KCNB2: variants seen among roughly 807,000 people sequenced by gnomAD.
The protein encoded by KCNB2 is potassium voltage-gated channel subfamily B member 2.
A neutral mutation model predicts 61.5 loss-of-function variants in KCNB2; 15 were observed. The ratio of observed to expected loss-of-function variants is 0.24; its 90% confidence interval spans 0.16 to 0.38. The LOEUF is 0.38. Ranked by LOEUF, KCNB2 falls within the 10% of genes least tolerant of loss-of-function variation. KCNB2 has a pLI of 1.00. For synonymous variants in KCNB2, 457 were observed against 446.0 expected, an observed-to-expected ratio of 1.02 and a Z score of -0.31; for missense variants, 828 against 1,125.2, an observed-to-expected ratio of 0.74 and a Z score of 3.78.
chr8:72,567,379 T>G (rs1001017329), intron 1 of KCNB2, among the ~76,000 whole-genome samples: 1 of 152,134 alleles, frequency 6.6e-6, no homozygotes, highest in African/African-American at 2.4e-5. Context: ...TCTCATGACA[T>G]GTTTGGGAGT....
intron 2 of KCNB2, among the ~76,000 whole-genome samples, chr8:72,608,774 G>A (rs557114387): frequency 6.6e-6 from 1 of 152,214 alleles, no homozygotes; most frequent in East Asian, 1.9e-4. Context: ...CCACATTTAG[G>A]CCACCACTGG....
chr8:72,806,235 G>A (rs1399746211), intron 2 of KCNB2, among the ~76,000 whole-genome samples: 1 of 151,584 alleles, frequency 6.6e-6, no homozygotes, highest in Non-Finnish European at 1.5e-5. Flanking sequence ...GTGCGTGCCT[G>A]TAATCCCAGC....
chr8:72,639,191 C>T (rs1000510533), intron 2 of KCNB2, among the ~76,000 whole-genome samples: 9 of 152,124 alleles, frequency 5.9e-5, no homozygotes, highest in Non-Finnish European at 1.0e-4. Context: ...CTGATGAACA[C>T]ATCTTCCCCA....
chr8:72,547,825 A>G (rs1169658781), intron 1 of KCNB2, among the ~76,000 whole-genome samples: 1 of 152,244 alleles, frequency 6.6e-6, no homozygotes, highest in Non-Finnish European at 1.5e-5. Context: ...AAGATTTGAG[A>G]TGATTGACTC....
chr8:72,762,296 A>C (rs972019107), intron 2 of KCNB2, among the ~76,000 whole-genome samples: 3 of 152,242 alleles, frequency 2.0e-5, no homozygotes, highest in Admixed American at 6.5e-5. Flanking sequence ...ATGATACGAC[A>C]TCTGTACCTA....
intron 2 of KCNB2, among the ~76,000 whole-genome samples, chr8:72,907,868 C>T (rs1806206176): frequency 1.3e-5 from 2 of 152,088 alleles, no homozygotes; most frequent in African/African-American, 4.8e-5. Flanking sequence ...AGTTTTACAA[C>T]CTGAATTAAT....
intron 2 of KCNB2, among the ~76,000 whole-genome samples, chr8:72,778,497 G>A (rs949033427): frequency 2.0e-5 from 3 of 151,704 alleles, no homozygotes; most frequent in Non-Finnish European, 4.4e-5. Context: ...CAGCCCTTTG[G>A]GAGGTTCAAG....
chr8:72,656,180 C>T (rs1469141637), intron 2 of KCNB2, among the ~76,000 whole-genome samples: 1 of 152,102 alleles, frequency 6.6e-6, no homozygotes, highest in Admixed American at 6.6e-5. Flanking sequence ...CCAACTATTT[C>T]TTAGGAAAAT....
chr8:72,659,188 G>C (rs1190005120), intron 2 of KCNB2, among the ~76,000 whole-genome samples: 1 of 152,160 alleles, frequency 6.6e-6, no homozygotes, highest in Non-Finnish European at 1.5e-5. Context: ...TGATTCACCG[G>C]AGGAGGTCAA....
At chr8:72,788,221 A>T (rs767549053) in intron 2 of KCNB2, among the ~76,000 whole-genome samples, 2 of 152,168 alleles carry the variant, frequency 1.3e-5, no homozygotes, top group Non-Finnish European at 2.9e-5. Flanking sequence ...AAAATACCAC[A>T]AACTGAGTGG....
At chr8:72,749,735 A>G (rs1039068518) in intron 2 of KCNB2, among the ~76,000 whole-genome samples, 4 of 146,966 alleles carry the variant, frequency 2.7e-5, no homozygotes, top group Non-Finnish European at 6.0e-5. Flanking sequence ...AATATAATAC[A>G]TATTACTTTT....
chr8:72,688,357 A>G (rs766783513), intron 2 of KCNB2, among the ~76,000 whole-genome samples: 1 of 152,092 alleles, frequency 6.6e-6, no homozygotes, highest in Non-Finnish European at 1.5e-5. Flanking sequence ...AAGTGCATCA[A>G]GCTGTTTCAT....
chr8:72,764,731 C>A (rs1808435439), intron 2 of KCNB2, among the ~76,000 whole-genome samples: 1 of 152,114 alleles, frequency 6.6e-6, no homozygotes, highest in African/African-American at 2.4e-5. Flanking sequence ...ATAATCCTAC[C>A]CAATTCCTGA....
At chr8:72,731,170 G>C (rs569484876) in intron 2 of KCNB2, among the ~76,000 whole-genome samples, 1 of 152,186 alleles carries the variant, frequency 6.6e-6, no homozygotes, top group Non-Finnish European at 1.5e-5. Flanking sequence ...AAGATGGAGA[G>C]AGTAAGAGGA....
intron 2 of KCNB2, among the ~76,000 whole-genome samples, chr8:72,585,643 C>T (rs1051727653): frequency 4.6e-5 from 7 of 152,186 alleles, no homozygotes; most frequent in African/African-American, 1.7e-4. Context: ...GTTGGGATTA[C>T]AGGCATGAGC....
intron 2 of KCNB2, among the ~76,000 whole-genome samples, chr8:72,834,871 G>A (rs7817529): frequency 0.29 from 43,318 of 151,864 alleles, 6,277 homozygotes; most frequent in South Asian, 0.41. Context: ...ATATAGTATC[G>A]CCTTCTTGTT....
chr8:72,823,080 A>C (rs1011665770), intron 2 of KCNB2, among the ~76,000 whole-genome samples: 1 of 152,076 alleles, frequency 6.6e-6, no homozygotes, highest in Non-Finnish European at 1.5e-5. Flanking sequence ...TGTCAAATTA[A>C]TGAGCACTCC....
At chr8:72,934,624 A>G (rs952072979) in intron 2 of KCNB2, among the ~76,000 whole-genome samples, 8 of 152,124 alleles carry the variant, frequency 5.3e-5, no homozygotes, top group African/African-American at 1.9e-4. Flanking sequence ...TAGATGCTCA[A>G]TCTCTAAATG....
chr8:72,776,549 G>A (rs550275794), intron 2 of KCNB2, among the ~76,000 whole-genome samples: 4 of 152,170 alleles, frequency 2.6e-5, no homozygotes, highest in South Asian at 4.1e-4. Flanking sequence ...TATTTTTGGC[G>A]CTTTCAGTGT....
Sources: gnomAD v4.1 joint callset for allele counts (sites outside exome capture counted in the v4.1 genomes callset) on GRCh38, gnomAD v4.1.1 for gene constraint, MANE v1.5 for transcripts, NCBI Gene and HGNC (gene_info 2026-07-23, HGNC 2026-07-21) for gene names.